FANCB: variants seen among roughly 807,000 people sequenced by gnomAD.
FANCB encodes the protein FA complementation group B.
FANCB carries 5 observed loss-of-function variants against 38.9 expected under a neutral mutation model. That is an observed-to-expected ratio of 0.13 (90% CI 0.07 to 0.27). The LOEUF is 0.27. Among genes scored for constraint, FANCB ranks in the 10% least tolerant of loss-of-function variants. The pLI is 1.00. For synonymous variants in FANCB, 236 were observed against 215.4 expected (o/e 1.10, Z -0.84); for missense variants, 573 against 602.7 (o/e 0.95, Z 0.52).
chrX:14,844,811 T>A, intron 8 of FANCB, 45 bp downstream of exon 8: 1 of 1,157,533 alleles, frequency 8.6e-7, no homozygotes, highest in Non-Finnish European at 1.2e-6. Context: ...CTTAAAATTT[T>A]CTAATTCAAT....
intron 5 of FANCB, among the ~76,000 whole-genome samples, chrX:14,857,649 T>C (rs966202981): frequency 1.3e-4 from 14 of 111,752 alleles, no homozygotes; most frequent in African/African-American, 3.6e-4. Context: ...TAAATCTATA[T>C]AGTCTTACTA....
the FANCB span, among the ~76,000 whole-genome samples, chrX:14,732,965 C>T: frequency 8.9e-6 from 1 of 112,167 alleles, no homozygotes; most frequent in East Asian, 2.8e-4. Flanking sequence ...TGCCTATGTC[C>T]TGAATGGTAT....
chrX:14,775,160 GTTTTTTTTT>G, the FANCB span, among the ~76,000 whole-genome samples: 2 of 35,012 alleles, frequency 5.7e-5, no homozygotes, highest in East Asian at 7.1e-4. Context: ...TTTCTCTAAT[GTTTTTTTTT>G]TTTTTTTTTT....
At chrX:14,785,830 C>T in the FANCB span, among the ~76,000 whole-genome samples, 3 of 111,379 alleles carry the variant, frequency 2.7e-5, no homozygotes, top group Non-Finnish European at 5.7e-5. Flanking sequence ...TGCTGTCTGA[C>T]CTTTACCTCC....
chrX:14,751,570 C>T, the FANCB span, among the ~76,000 whole-genome samples: 15 of 111,577 alleles, frequency 1.3e-4, no homozygotes, highest in African/African-American at 4.9e-4. Flanking sequence ...ACTGGGTACA[C>T]TCAGTTTGTA....
At chrX:14,720,116 A>C in the FANCB span, among the ~76,000 whole-genome samples, 78 of 111,531 alleles carry the variant, frequency 7.0e-4, no homozygotes, top group African/African-American at 2.5e-3. Context: ...AACAAGTTTC[A>C]GTATTCTATA....
intron 6 of FANCB, among the ~76,000 whole-genome samples, chrX:14,852,577 A>T (rs2092406372): frequency 8.9e-6 from 1 of 111,815 alleles, no homozygotes; most frequent in Non-Finnish European, 1.9e-5. Flanking sequence ...TTGCTAGAGG[A>T]AAAAATAACC....
the FANCB span, among the ~76,000 whole-genome samples, chrX:14,775,317 G>A: frequency 4.5e-5 from 5 of 110,289 alleles, no homozygotes; most frequent in Non-Finnish European, 9.5e-5. Context: ...GTCCCTGCCT[G>A]CCTTCCTCTA....
chrX:14,712,678 G>A, the FANCB span, among the ~76,000 whole-genome samples: 1 of 106,323 alleles, frequency 9.4e-6, no homozygotes, highest in Non-Finnish European at 1.9e-5. Flanking sequence ...ATGTGGGGGA[G>A]TAACTGGGGG....
intron 5 of FANCB, among the ~76,000 whole-genome samples, chrX:14,854,296 T>C (rs779557994): frequency 9.0e-6 from 1 of 111,413 alleles, no homozygotes; most frequent in Non-Finnish European, 1.9e-5. Context: ...GAAAAAACTA[T>C]GTGGGCAGAT....
At chrX:14,850,367 T>A (rs2092395714) in intron 7 of FANCB, 138 bp downstream of exon 7, 2 of 549,269 alleles carry the variant, frequency 3.6e-6, no homozygotes, top group Admixed American at 5.0e-5. Flanking sequence ...ACAGTAATAA[T>A]AATTTCCCTT....
chrX:14,703,282 C>A, the FANCB span, among the ~76,000 whole-genome samples: 1 of 111,473 alleles, frequency 9.0e-6, no homozygotes, highest in East Asian at 2.8e-4. Context: ...AGGGGAGAAT[C>A]TGATTTCTTG....
chrX:14,811,419 C>T, the FANCB span, among the ~76,000 whole-genome samples: 1 of 111,030 alleles, frequency 9.0e-6, no homozygotes, highest in African/African-American at 3.3e-5. Flanking sequence ...ATTCAGGAAA[C>T]CCATCTCACG....
the FANCB span, among the ~76,000 whole-genome samples, chrX:14,692,943 T>C: frequency 9.1e-6 from 1 of 109,653 alleles, no homozygotes; most frequent in East Asian, 2.8e-4. Context: ...TATGGAATAA[T>C]AAACAGACAA....
chrX:14,817,490 G>A, the FANCB span, among the ~76,000 whole-genome samples: 1 of 111,429 alleles, frequency 9.0e-6, no homozygotes, highest in African/African-American at 3.3e-5. Flanking sequence ...ATCAGAACTG[G>A]TGTCAAGATG....
At chrX:14,822,169 CCT>C in the FANCB span, among the ~76,000 whole-genome samples, 1 of 110,558 alleles carries the variant, frequency 9.0e-6, no homozygotes, top group Non-Finnish European at 1.9e-5. Context: ...AGAGCTGCCC[CCT>C]GAGAGCTGGG....
chrX:14,815,381 AAAAG>A, the FANCB span, among the ~76,000 whole-genome samples: 7 of 111,529 alleles, frequency 6.3e-5, no homozygotes, highest in African/African-American at 2.3e-4. Flanking sequence ...GGTAAAAAAA[AAAAG>A]AAAAGAAAAG....
downstream of FANCB, chrX:14,834,833 A>T: frequency 1.3e-5 from 7 of 552,196 alleles, no homozygotes; most frequent in South Asian, 4.7e-5. Flanking sequence ...CATCATCATC[A>T]TCTTCATCAG....
At chrX:14,690,871 C>T in the FANCB span, 1 of 1,206,915 alleles carries the variant, frequency 8.3e-7, no homozygotes, top group Non-Finnish European at 1.1e-6. Flanking sequence ...TATGATTGCC[C>T]CTCAGTTCAG....
Sources: allele counts gnomAD v4.1 joint callset (sites outside exome capture counted in the v4.1 genomes callset), GRCh38; gene constraint gnomAD v4.1.1; transcripts MANE v1.5; gene names NCBI Gene and HGNC (gene_info 2026-07-23, HGNC 2026-07-21).